The following DMD variants were observed in gnomAD, a reference collection of about 807,000 sequenced individuals.
DMD encodes the protein dystrophin.
A neutral mutation model predicts 330.1 loss-of-function variants in DMD; 63 were observed. The ratio of observed to expected loss-of-function variants is 0.19; its 90% CI spans 0.16 to 0.24. The LOEUF (loss-of-function observed/expected upper bound fraction) is 0.24. DMD is among the 10% of genes least tolerant of loss of function. The pLI is 1.00. For missense variants in DMD, 3,344 were observed against 2,684.1 expected (o/e 1.25, Z -5.43); for synonymous variants, 1,223 against 959.8 (o/e 1.27, Z -5.07).
intron 49 of DMD, among the ~76,000 whole-genome samples, chrX:31,833,883 T>C (rs2093132086): frequency 9.0e-6 from 1 of 111,661 alleles, no homozygotes. Context: ...AGATCTTGCA[T>C]ATACATCGTG....
intron 30 of DMD, among the ~76,000 whole-genome samples, chrX:32,403,929 C>A (rs1240497025): frequency 1.8e-5 from 2 of 111,868 alleles, no homozygotes; most frequent in Admixed American, 1.9e-4. Flanking sequence ...ATAAAGCAGA[C>A]TGTAAAGTTA....
At chrX:32,270,560 T>C (rs1290357820) in intron 43 of DMD, among the ~76,000 whole-genome samples, 1 of 112,234 alleles carries the variant, frequency 8.9e-6, no homozygotes, top group African/African-American at 3.2e-5. Flanking sequence ...CTGCCAAGTG[T>C]ATTTCTCTAT....
intron 55 of DMD, among the ~76,000 whole-genome samples, chrX:31,598,107 GT>G (rs11332231): frequency 0.11 from 10,701 of 100,044 alleles, 794 homozygotes; most frequent in African/African-American, 0.23. Context: ...TGTGTATCTT[GT>G]TTTTTTTTTT....
At chrX:31,136,640 A>C (rs1482198745) in intron 76 of DMD, among the ~76,000 whole-genome samples, 3 of 112,597 alleles carry the variant, frequency 2.7e-5, no homozygotes, top group Non-Finnish European at 5.6e-5. Flanking sequence ...ATTACATCAT[A>C]TTGGAGCTCT....
chrX:32,562,325 G>C (rs1256322930), intron 16 of DMD, among the ~76,000 whole-genome samples: 1 of 112,655 alleles, frequency 8.9e-6, no homozygotes, highest in African/African-American at 3.2e-5. Context: ...AAATGCAAGA[G>C]AGCAGTCCTC....
At chrX:31,193,079 T>C (rs950737127) in intron 67 of DMD, among the ~76,000 whole-genome samples, 6 of 111,762 alleles carry the variant, frequency 5.4e-5, no homozygotes, top group African/African-American at 2.0e-4. Context: ...CATTAGATGC[T>C]ACGGCATGTA....
chrX:32,979,968 T>G (rs1460573948), intron 2 of DMD, among the ~76,000 whole-genome samples: 1 of 111,452 alleles, frequency 9.0e-6, no homozygotes, highest in African/African-American at 3.3e-5. Flanking sequence ...TAGAGCCCTA[T>G]AGGTTGTGGC....
chrX:31,975,614 C>T (rs1190031870), intron 44 of DMD, among the ~76,000 whole-genome samples: 1 of 112,090 alleles, frequency 8.9e-6, no homozygotes, highest in Non-Finnish European at 1.9e-5. Context: ...TACATGATTA[C>T]TAGCATGCCT....
chrX:31,802,409 T>A (rs1204812994), intron 50 of DMD, among the ~76,000 whole-genome samples: 2 of 111,395 alleles, frequency 1.8e-5, no homozygotes, highest in Admixed American at 1.9e-4. Context: ...TAAAGCATGT[T>A]TTCTCTAGGC....
At chrX:32,767,637 A>T in intron 7 of DMD, among the ~76,000 whole-genome samples, 1 of 111,811 alleles carries the variant, frequency 8.9e-6, no homozygotes. Flanking sequence ...GGAACAAAGC[A>T]TCTAATTACT....
chrX:31,211,478 G>A (rs1454020611), intron 64 of DMD, among the ~76,000 whole-genome samples: 5 of 112,149 alleles, frequency 4.5e-5, no homozygotes, highest in Non-Finnish European at 9.4e-5. Context: ...TTTCTTTTTT[G>A]TTACTCTGCT....
intron 1 of DMD, among the ~76,000 whole-genome samples, chrX:33,042,380 AC>A: frequency 8.9e-6 from 1 of 112,408 alleles, no homozygotes. Flanking sequence ...AAAATGCAAC[AC>A]AAAAGACGAG....
chrX:32,999,797 AAC>A (rs2093229060), intron 2 of DMD, among the ~76,000 whole-genome samples: 2 of 97,362 alleles, frequency 2.1e-5, no homozygotes, highest in African/African-American at 7.3e-5. Flanking sequence ...CAAAAACAAA[AAC>A]AAAAAACAAA....
At chrX:31,763,327 G>A (rs1054479652) in intron 51 of DMD, among the ~76,000 whole-genome samples, 67 of 112,461 alleles carry the variant, frequency 6.0e-4, no homozygotes, top group African/African-American at 2.0e-3. Flanking sequence ...ACTTTGGGAG[G>A]CCAAGGCAGG....
chrX:32,263,866 T>A (rs2097333461), intron 43 of DMD, among the ~76,000 whole-genome samples: 1 of 111,932 alleles, frequency 8.9e-6, no homozygotes, highest in Admixed American at 9.5e-5. Context: ...CCATTGATTT[T>A]AAAAAATATT....
chrX:32,063,335 C>T (rs926905162), intron 44 of DMD, among the ~76,000 whole-genome samples: 1 of 110,912 alleles, frequency 9.0e-6, no homozygotes, highest in Non-Finnish European at 1.9e-5. Flanking sequence ...TTTTGTCCCC[C>T]TCAACTGCTG....
At chrX:32,363,077 A>C (rs2097842933) in intron 36 of DMD, 119 bp from the exon 37 acceptor site, 2 of 695,311 alleles carry the variant, frequency 2.9e-6, no homozygotes, top group Non-Finnish European at 4.4e-6. Context: ...AAAGAGAGAG[A>C]GAGAAAGTAA....
intron 20 of DMD, 52 bp from the exon 21 acceptor site, chrX:32,485,151 C>T (rs2042291688): frequency 3.5e-6 from 4 of 1,140,469 alleles, no homozygotes; most frequent in African/African-American, 3.6e-5. Context: ...GCATACATTA[C>T]ATTTTGCAAA....
chrX:31,138,676 A>T lies in DMD; in HGVS notation c.10922-4482T>A, dbSNP rs1443214168. 7.6e-4 allele frequency among the ~76,000 whole-genome samples: 39 copies of T among 51,394 alleles called. 3 individuals carry two copies. The highest frequency in any genetic ancestry group is 3.1e-3 in the African/African-American group (34 of 10,979). The allele number at this position is 51,394 out of a possible 115,157, so 44.6% of individuals were successfully genotyped here. ...GAGAGAGAGAGAGAGAGAGAGAGAG[A>T]GAGAGAGAGAGAAGGGGGAAGTGCC... On this transcript the variant is annotated intron_variant, in intron 76 of 78. Coordinates refer to ENST00000357033, the MANE Select transcript of DMD (RefSeq NM_004006.3).
Sources: gnomAD v4.1 joint callset for allele counts (sites outside exome capture counted in the v4.1 genomes callset) on GRCh38, gnomAD v4.1.1 for gene constraint, MANE v1.5 for transcripts, NCBI Gene and HGNC (gene_info 2026-07-23, HGNC 2026-07-21) for gene names.